The following CDH20 variants were observed in gnomAD, a reference collection of about 807,000 sequenced individuals.
The protein encoded by CDH20 is cadherin 20.
A neutral mutation model predicts 74.2 loss-of-function variants in CDH20; 29 were observed. That is an observed-to-expected ratio of 0.39 (90% CI 0.29 to 0.53). The LOEUF (loss-of-function observed/expected upper bound fraction) is 0.53, where lower values mean the gene tolerates loss of function less well. CDH20 is among the 20% of genes least tolerant of loss of function. The pLI is 0.69. For missense variants in CDH20, 988 were observed against 1,048.3 expected (o/e 0.94, Z 0.79); for synonymous variants, 469 against 405.4 (o/e 1.16, Z -1.88).
chr18:61,478,142 T>G (rs1312444059), intron 1 of CDH20, among the ~76,000 whole-genome samples: 2 of 150,946 alleles, frequency 1.3e-5, no homozygotes, highest in African/African-American at 4.9e-5. Flanking sequence ...GAGGTTACAG[T>G]GAGCTGAGAT....
intron 1 of CDH20, among the ~76,000 whole-genome samples, chr18:61,465,165 A>T (rs1272214193): frequency 6.6e-6 from 1 of 152,184 alleles, no homozygotes; most frequent in Non-Finnish European, 1.5e-5. Context: ...TATGCCCTAG[A>T]TATTGTTTTC....
intron 1 of CDH20, among the ~76,000 whole-genome samples, chr18:61,361,691 A>G (rs983001405): frequency 1.3e-5 from 2 of 152,246 alleles, no homozygotes; most frequent in Non-Finnish European, 2.9e-5. Flanking sequence ...GCAATTTGAC[A>G]GAAATACTTT....
intron 1 of CDH20, among the ~76,000 whole-genome samples, chr18:61,455,175 A>G (rs1909530466): frequency 3.3e-5 from 5 of 152,250 alleles, no homozygotes; most frequent in Admixed American, 3.3e-4. Flanking sequence ...AAAAGTGTCA[A>G]TATCATGAAA....
chr18:61,533,472 C>T (rs1912718644), intron 7 of CDH20, among the ~76,000 whole-genome samples: 2 of 152,186 alleles, frequency 1.3e-5, no homozygotes, highest in Admixed American at 1.3e-4. Flanking sequence ...ATTGTAATTA[C>T]TGGTCTTTTA....
chr18:61,507,707 G>A, intron 6 of CDH20, 147 bp downstream of exon 6: 3 of 532,576 alleles, frequency 5.6e-6, no homozygotes, highest in Non-Finnish European at 9.3e-6. Context: ...AAAACACACA[G>A]AAAACCTCTT....
At chr18:61,515,308 C>T (rs1435286600) in intron 6 of CDH20, among the ~76,000 whole-genome samples, 1 of 152,144 alleles carries the variant, frequency 6.6e-6, no homozygotes, top group East Asian at 1.9e-4. Flanking sequence ...AAAGGGAACT[C>T]CCTGACCCCT....
At chr18:61,418,612 T>C (rs1167475767) in intron 1 of CDH20, among the ~76,000 whole-genome samples, 1 of 144,528 alleles carries the variant, frequency 6.9e-6, no homozygotes, top group East Asian at 2.1e-4. Flanking sequence ...TTTTTTCTAA[T>C]ACAATTTACC....
chr18:61,551,457 TA>T (rs1913429428), intron 11 of CDH20, among the ~76,000 whole-genome samples: 1 of 152,228 alleles, frequency 6.6e-6, no homozygotes, highest in Non-Finnish European at 1.5e-5. Context: ...AGTTCCTGTG[TA>T]AAATGTCAAC....
intron 1 of CDH20, among the ~76,000 whole-genome samples, chr18:61,412,951 A>G (rs995118392): frequency 6.6e-6 from 1 of 152,156 alleles, no homozygotes; most frequent in Non-Finnish European, 1.5e-5. Flanking sequence ...TTATGTTTGT[A>G]TTTTCCAATT....
At chr18:61,521,434 G>A (rs1427964600) in intron 6 of CDH20, among the ~76,000 whole-genome samples, 3 of 150,848 alleles carry the variant, frequency 2.0e-5, no homozygotes, top group Admixed American at 6.6e-5. Context: ...CAATAATTGA[G>A]GCCTACCAAC....
At chr18:61,456,531 A>C (rs1909575530) in intron 1 of CDH20, among the ~76,000 whole-genome samples, 2 of 152,222 alleles carry the variant, frequency 1.3e-5, no homozygotes, top group African/African-American at 4.8e-5. Context: ...TAATATAATT[A>C]CATAACTTTG....
At chr18:61,346,132 A>C (rs377286317) in intron 1 of CDH20, among the ~76,000 whole-genome samples, 43 of 152,356 alleles carry the variant, frequency 2.8e-4, no homozygotes, top group Admixed American at 1.2e-3. Context: ...GTATTTGAAT[A>C]ACTAGGACAG....
chr18:61,528,884 G>C (rs1046225920), intron 7 of CDH20, among the ~76,000 whole-genome samples: 1 of 152,124 alleles, frequency 6.6e-6, no homozygotes, highest in African/African-American at 2.4e-5. Context: ...ACTATAGAAA[G>C]AGCAGACATA....
chr18:61,446,697 T>A (rs923061118), intron 1 of CDH20, among the ~76,000 whole-genome samples: 2 of 152,172 alleles, frequency 1.3e-5, no homozygotes, highest in African/African-American at 4.8e-5. Context: ...CATTTCTCAT[T>A]CTTTTTGTTT....
intron 1 of CDH20, among the ~76,000 whole-genome samples, chr18:61,366,097 T>C (rs1910850405): frequency 6.6e-6 from 1 of 152,206 alleles, no homozygotes; most frequent in African/African-American, 2.4e-5. Flanking sequence ...TTTTGTGAGA[T>C]CTTTATCAAT....
intron 1 of CDH20, among the ~76,000 whole-genome samples, chr18:61,464,177 A>T (rs1431757680): frequency 6.6e-6 from 1 of 152,160 alleles, no homozygotes; most frequent in African/African-American, 2.4e-5. Flanking sequence ...CTGTTTTAAA[A>T]TTTTATTGAT....
At chr18:61,512,046 A>G (rs901084812) in intron 6 of CDH20, among the ~76,000 whole-genome samples, 1 of 152,234 alleles carries the variant, frequency 6.6e-6, no homozygotes, top group African/African-American at 2.4e-5. Context: ...TAATAATGTC[A>G]TATAAAATTG....
At chr18:61,485,545 C>A (rs1461910175) in intron 1 of CDH20, among the ~76,000 whole-genome samples, 1 of 151,830 alleles carries the variant, frequency 6.6e-6, no homozygotes. Context: ...AATGACTGTC[C>A]CAGAAGAAAC....
At chr18:61,485,597 TC>T (rs994810680) in intron 1 of CDH20, among the ~76,000 whole-genome samples, 4 of 152,152 alleles carry the variant, frequency 2.6e-5, no homozygotes, top group African/African-American at 9.7e-5. Context: ...AATTAAGCTA[TC>T]ACTTTTACTT....
Sources: gnomAD v4.1 joint callset for allele counts (sites outside exome capture counted in the v4.1 genomes callset) on GRCh38, gnomAD v4.1.1 for gene constraint, MANE v1.5 for transcripts, NCBI Gene and HGNC (gene_info 2026-07-23, HGNC 2026-07-21) for gene names.